CSMD1: variants seen among roughly 807,000 people sequenced by gnomAD.
CSMD1 encodes CUB and sushi domain-containing protein 1.
A neutral mutation model predicts 417.5 loss-of-function variants in CSMD1; 213 were observed. That is an observed-to-expected ratio of 0.51 (90% CI 0.46 to 0.57). The LOEUF (loss-of-function observed/expected upper bound fraction) is 0.57, where lower values mean the gene tolerates loss of function less well. CSMD1 is among the 20% of genes least tolerant of loss of function. CSMD1 has a pLI of 0.00. For missense variants in CSMD1, 6,923 were observed against 4,529.7 expected (o/e 1.53, Z -15.17); for synonymous variants, 2,862 against 1,736.8 (o/e 1.65, Z -16.11).
Position 2,937,769 on chromosome 8 carries a change from A to T in CSMD1, c.*816T>A, listed in dbSNP as rs962032776. On this transcript the variant is annotated 3_prime_UTR_variant, in exon 70 of 70. Transcript: ENST00000635120. The stretch of plus-strand genomic sequence containing the variant: ...TGTATTTCCTTTTAAAATCTGTGCC[A>T]TATCTAGGAATACTTTTCCCTAACA... 1.3e-5 allele frequency: 2 copies of T among 152,792 alleles called. No homozygotes were observed. Among genetic ancestry groups the T allele is most frequent in the Middle Eastern group, 3.4e-3 (1 of 294 alleles). The allele number at this position is 152,792 out of a possible 1,614,324, so 9.5% of individuals were successfully genotyped here. A position where few individuals can be genotyped will look rare whatever the true frequency, so the allele number is the denominator to read the frequency against.
intron 2 of CSMD1, among the ~76,000 whole-genome samples, chr8:4,604,656 C>G (rs1048659173): frequency 3.9e-5 from 6 of 152,042 alleles, no homozygotes; most frequent in Non-Finnish European, 7.3e-5. Context: ...CAGAACATCA[C>G]CAATCTGTTT....
chr8:4,619,783 T>C (rs1457411286), intron 2 of CSMD1, among the ~76,000 whole-genome samples: 1 of 152,096 alleles, frequency 6.6e-6, no homozygotes, highest in Non-Finnish European at 1.5e-5. Flanking sequence ...CCTCACAATT[T>C]TGGTATTCAT....
chr8:4,921,735 T>C (rs1806512078), intron 1 of CSMD1, among the ~76,000 whole-genome samples: 1 of 152,214 alleles, frequency 6.6e-6, no homozygotes, highest in South Asian at 2.1e-4. Context: ...AGACAAAATG[T>C]GTTCCTTGTT....
At chr8:3,114,175 T>C (rs577532104) in intron 42 of CSMD1, among the ~76,000 whole-genome samples, 2 of 152,224 alleles carry the variant, frequency 1.3e-5, no homozygotes, top group East Asian at 1.9e-4. Flanking sequence ...GCCTGGCAGG[T>C]CAAGGCTACA....
chr8:3,838,050 G>T (rs1451906879), intron 5 of CSMD1, among the ~76,000 whole-genome samples: 1 of 152,092 alleles, frequency 6.6e-6, no homozygotes, highest in Non-Finnish European at 1.5e-5. Context: ...ATTGATTAGT[G>T]TGACTTGGAA....
intron 3 of CSMD1, among the ~76,000 whole-genome samples, chr8:4,131,756 C>CT (rs10650865): frequency 0.3 from 25,763 of 86,896 alleles, 6,117 homozygotes; most frequent in Middle Eastern, 0.4. Context: ...ACAAATGTGA[C>CT]TTTTTTTTTT....
intron 3 of CSMD1, among the ~76,000 whole-genome samples, chr8:4,144,810 A>C (rs1015921121): frequency 4.0e-5 from 6 of 151,030 alleles, no homozygotes; most frequent in Admixed American, 3.9e-4. Context: ...TTGCATCACC[A>C]AAAAGCAACA....
chr8:4,969,422 G>T (rs537628277), intron 1 of CSMD1, among the ~76,000 whole-genome samples: 121 of 151,848 alleles, frequency 8.0e-4, no homozygotes, highest in African/African-American at 2.9e-3. Context: ...AAGTTAGCAT[G>T]CATCATCTAT....
intron 2 of CSMD1, among the ~76,000 whole-genome samples, chr8:4,428,348 C>G (rs1248058555): frequency 6.6e-6 from 1 of 152,128 alleles, no homozygotes; most frequent in Non-Finnish European, 1.5e-5. Context: ...CTAGTACCTA[C>G]TAGGGATTAA....
intron 3 of CSMD1, among the ~76,000 whole-genome samples, chr8:4,279,168 C>G (rs143240456): frequency 3.9e-5 from 6 of 152,068 alleles, no homozygotes; most frequent in African/African-American, 1.2e-4. Flanking sequence ...ATTCCCCATG[C>G]CAAGCTTCGT....
intron 2 of CSMD1, among the ~76,000 whole-genome samples, chr8:4,614,709 C>A (rs973293927): frequency 1.3e-5 from 2 of 151,912 alleles, no homozygotes; most frequent in Non-Finnish European, 2.9e-5. Context: ...ATTCATGGAA[C>A]GAACACTTCC....
At chr8:3,958,940 T>G (rs1483965080) in intron 5 of CSMD1, among the ~76,000 whole-genome samples, 1 of 152,190 alleles carries the variant, frequency 6.6e-6, no homozygotes, top group Admixed American at 6.5e-5. Flanking sequence ...TCACATTTTT[T>G]GAGCCCTGAC....
rs143865238 is a variant in CSMD1 at position 3,536,112 on chromosome 8, T to C, written c.1344+38833A>G. On this transcript the variant is annotated intron_variant, in intron 10 of 69. Transcript: ENST00000635120. ...GTAGCTGATAAATATTATCATTGTT[T>C]TTATGATACCAAGCTGTGATATCCG... is the stretch of plus-strand genomic sequence containing the variant. Among the ~76,000 whole-genome samples, 17 of 152,358 alleles carry C rather than the reference T, an allele frequency of 1.1e-4. No individual in the cohort carries two copies. In the East Asian group the frequency reaches 3.1e-3, roughly 28 times the overall value.
chr8:4,146,257 C>T (rs1181996748), intron 3 of CSMD1, among the ~76,000 whole-genome samples: 1 of 151,050 alleles, frequency 6.6e-6, no homozygotes, highest in Non-Finnish European at 1.5e-5. Flanking sequence ...CCCTCATCCA[C>T]TCGAGGCAGT....
At chr8:3,706,353 C>G (rs1395352281) in intron 7 of CSMD1, among the ~76,000 whole-genome samples, 2 of 152,228 alleles carry the variant, frequency 1.3e-5, no homozygotes, top group Non-Finnish European at 2.9e-5. Context: ...ACCCTATGTC[C>G]TTTCATCAGT....
intron 3 of CSMD1, among the ~76,000 whole-genome samples, chr8:4,361,567 G>A (rs1259570892): frequency 6.6e-6 from 1 of 152,172 alleles, no homozygotes; most frequent in African/African-American, 2.4e-5. Context: ...TAGAGTTCAA[G>A]TTTGTTCCTC....
intron 5 of CSMD1, among the ~76,000 whole-genome samples, chr8:3,954,125 G>C (rs1173433312): frequency 6.6e-6 from 1 of 152,172 alleles, no homozygotes; most frequent in African/African-American, 2.4e-5. Context: ...AGAGATCCCA[G>C]TTTCCCGAGG....
At chr8:3,598,746 C>T (rs1269098933) in intron 8 of CSMD1, among the ~76,000 whole-genome samples, 1 of 152,062 alleles carries the variant, frequency 6.6e-6, no homozygotes, top group Non-Finnish European at 1.5e-5. Flanking sequence ...TTGTAATTTC[C>T]CCCCGCCCCT....
chr8:4,550,998 A>C (rs1398428656), intron 2 of CSMD1, among the ~76,000 whole-genome samples: 1 of 152,178 alleles, frequency 6.6e-6, no homozygotes, highest in East Asian at 1.9e-4. Context: ...AGGCTGCCCA[A>C]ATTAATATCA....
Sources: allele counts gnomAD v4.1 joint callset (sites outside exome capture counted in the v4.1 genomes callset), GRCh38; gene constraint gnomAD v4.1.1; transcripts MANE v1.5; gene names NCBI Gene and HGNC (gene_info 2026-07-23, HGNC 2026-07-21).